SF3A1: variants seen among roughly 807,000 people sequenced by gnomAD.
SF3A1 encodes splicing factor 3a subunit 1, also known as SAP 114.
SF3A1 carries 13 observed loss-of-function variants against 89.9 expected under a neutral mutation model. That is an observed-to-expected ratio of 0.14 (90% CI 0.09 to 0.23). The LOEUF is 0.23. Among genes scored for constraint, SF3A1 ranks in the 10% least tolerant of loss-of-function variants. The probability of loss-of-function intolerance (pLI) is 1.00; values close to 1 mark genes in which losing one functional copy is unlikely to be tolerated. For missense variants in SF3A1, 604 were observed against 1,022.1 expected, an observed-to-expected ratio of 0.59 and a Z score of 5.58; for synonymous variants, 405 against 374.4, an observed-to-expected ratio of 1.08 and a Z score of -0.94.
In SF3A1 at chr22:30,337,325, C is replaced by T. The variant is rs539570518; in HGVS notation, c.1952-145G>A. On this transcript the variant is annotated intron_variant, in intron 12 of 15. Coordinates refer to ENST00000215793, the MANE Select transcript of SF3A1 (RefSeq NM_005877.6). ...GTTCCCTGCTAAGTCTGGCAGCCAGCAGGTTCCCTGGCAAGGGGACCTGGG... is the reference window on the plus strand; with the variant it reads ...GTTCCCTGCTAAGTCTGGCAGCCAGTAGGTTCCCTGGCAAGGGGACCTGGG... 7.3e-6 allele frequency: 6 copies of T among 819,422 alleles called. No homozygotes were observed. In the East Asian group the frequency reaches 1.1e-4, roughly 15 times the overall value. The allele number at this position is 819,422 out of a possible 1,614,324, so 50.8% of individuals were successfully genotyped here.
rs1193128691 is a variant in SF3A1 at position 30,342,826 on chromosome 22, G to A, written c.705C>T (p.Asn235=). The stretch of plus-strand genomic sequence containing the variant: ...TTACCTGATCCAAAACTTCTCGGGG[G>A]TTTTCAGCCTCTTTCTTGAGCTTTG... ...LFSKLKKEAE[N]PREVLDQVCY... The change falls in exon 5 of 16, where the codon AAC becomes AAT. Residue 235 remains asparagine (N), a synonymous_variant. Transcript: ENST00000215793. The A allele has an allele frequency of 6.2e-7, 1 of 1,612,250 alleles. No individual in the cohort carries two copies. Among genetic ancestry groups the A allele is most frequent in the Non-Finnish European group, 8.5e-7 (1 of 1,178,852 alleles).
chr22:30,339,554 G>C (rs955961351), intron 9 of SF3A1, among the ~76,000 whole-genome samples: 1 of 152,144 alleles, frequency 6.6e-6, no homozygotes, highest in Non-Finnish European at 1.5e-5. Flanking sequence ...TCAGGAGTTC[G>C]AGACCAGCAT....
Position 30,345,066 on chromosome 22 carries a change from A to G in SF3A1, c.518T>C (p.Phe173Ser). The G allele has an allele frequency of 5.0e-6, 8 of 1,614,238 alleles. No homozygotes were observed. The highest frequency in any genetic ancestry group is 6.8e-6 in the Non-Finnish European group (8 of 1,180,032). ...DLDVVKLTAQ[F>S]VARNGRQFLT... ...AAACTGGCGCCCATTCCTGGCCACAAACTGAGCCGTCAGCTTCACCACATC... is the reference window on the plus strand; with the variant it reads ...AAACTGGCGCCCATTCCTGGCCACAGACTGAGCCGTCAGCTTCACCACATC... Residue 173 changes from phenylalanine (F) to serine (S), a missense_variant, in exon 4 of 16, where the codon TTT becomes TCT. This residue lies in a region of SF3A1 where 162 missense variants were observed against 229.2 expected (regional missense o/e 0.71). Transcript: ENST00000215793.
At chr22:30,344,510 C>T (rs1056780007) in intron 4 of SF3A1, among the ~76,000 whole-genome samples, 1 of 152,214 alleles carries the variant, frequency 6.6e-6, no homozygotes, top group African/African-American at 2.4e-5. Flanking sequence ...CTTTCTGAGC[C>T]TGTTTCTGCT....
At position 30,356,853 on chromosome 22, in the gene SF3A1, C is replaced by G; in HGVS notation, c.-61G>C. The G allele has an allele frequency of 7.9e-7, 1 of 1,257,918 alleles. No homozygotes were observed. The allele number at this position is 1,257,918 out of a possible 1,614,324, so 77.9% of individuals were successfully genotyped here. A position where few individuals can be genotyped will look rare whatever the true frequency, so the allele number is the denominator to read the frequency against. ...GTCGGTGAGCGGTGCCGCCTCAAGACAGCCTCCCCGCTCGGTCAGTACGAC... is the reference window on the plus strand; with the variant it reads ...GTCGGTGAGCGGTGCCGCCTCAAGAGAGCCTCCCCGCTCGGTCAGTACGAC... On this transcript the variant is annotated 5_prime_UTR_variant, in exon 1 of 16. Transcript: ENST00000215793.
rs898997069 is a variant in SF3A1, at chr22:30,356,884, C to T, written c.-92G>A. Reference sequence around the variant, plus strand: ...CCCCGCTCGGTCAGTACGACGAGCTCGCAAGATGGCGGCGGCCGAGCGAGT... The same window carrying T: ...CCCCGCTCGGTCAGTACGACGAGCTTGCAAGATGGCGGCGGCCGAGCGAGT... On this transcript the variant is annotated 5_prime_UTR_variant, in exon 1 of 16. Coordinates refer to ENST00000215793, the MANE Select transcript of SF3A1 (RefSeq NM_005877.6). 9.1e-7 allele frequency: 1 copy of T among 1,101,988 alleles called. No individual in the cohort carries two copies. 68.3% of individuals were successfully genotyped at this position (1,101,988 alleles called of 1,614,324 possible). A position where few individuals can be genotyped will look rare whatever the true frequency, so the allele number is the denominator to read the frequency against.
At chr22:30,353,914 T>A (rs544270301) in intron 1 of SF3A1, among the ~76,000 whole-genome samples, 31 of 152,226 alleles carry the variant, frequency 2.0e-4, no homozygotes, top group Non-Finnish European at 3.5e-4. Flanking sequence ...GCCATGTCTG[T>A]AACCCTGCAC....
intron 11 of SF3A1, among the ~76,000 whole-genome samples, chr22:30,338,558 C>T (rs938794032): frequency 1.3e-5 from 2 of 152,092 alleles, no homozygotes; most frequent in Non-Finnish European, 2.9e-5. Flanking sequence ...CCTTCTCTGA[C>T]GCCAACTGGT....
intron 12 of SF3A1, 148 bp downstream of exon 12, chr22:30,337,542 G>A (rs563961003): frequency 3.4e-5 from 24 of 700,816 alleles, no homozygotes; most frequent in Middle Eastern, 3.7e-4. Flanking sequence ...CTAGGGTTGC[G>A]GATCTTTCAA....
chr22:30,355,083 G>A (rs1043369029), intron 1 of SF3A1, among the ~76,000 whole-genome samples: 3 of 151,856 alleles, frequency 2.0e-5, no homozygotes, highest in Admixed American at 6.6e-5. Context: ...GGAGTGCAGC[G>A]GCATGATCTT....
chr22:30,338,341 C>T (rs1376362351), intron 11 of SF3A1, among the ~76,000 whole-genome samples: 1 of 151,930 alleles, frequency 6.6e-6, no homozygotes, highest in African/African-American at 2.4e-5. Context: ...CCCTGTAATC[C>T]CAGCTACTTG....
rs774519141 is a variant in SF3A1, at chr22:30,337,787, C to A, written c.1854G>T (p.Pro618=). 6 of 1,596,968 alleles carry A rather than the reference C, an allele frequency of 3.8e-6. No homozygotes were observed. Among genetic ancestry groups the A allele is most frequent in the South Asian group, 2.3e-5 (2 of 87,562 alleles). The change falls in exon 12 of 16, where the codon CCG becomes CCT. Residue 618 remains proline (P), a synonymous_variant. Transcript: ENST00000215793. ...LPPGSVIAPM[P]PIIHAPRINV... is the part of the protein sequence containing the mutation. Reference sequence around the variant, plus strand: ...TGATTCTGGGCGCGTGGATGATGGGCGGCATGGGGGCGATCACTGAGCCTG... The same window carrying A: ...TGATTCTGGGCGCGTGGATGATGGGAGGCATGGGGGCGATCACTGAGCCTG...
rs1010614257 is a variant in SF3A1 at position 30,333,271 on chromosome 22, G to C, written c.*1323C>G. 3.9e-5 allele frequency: 6 copies of C among 152,284 alleles called. No homozygotes were observed. Among genetic ancestry groups the C allele is most frequent in the African/African-American group, 1.4e-4 (6 of 41,468 alleles). The allele number at this position is 152,284 out of a possible 1,614,324, so 9.4% of individuals were successfully genotyped here. A position where few individuals can be genotyped will look rare whatever the true frequency, so the allele number is the denominator to read the frequency against. On this transcript the variant is annotated 3_prime_UTR_variant, in exon 16 of 16. Coordinates refer to ENST00000215793, the MANE Select transcript of SF3A1 (RefSeq NM_005877.6). ...AGAGGGAGAGGCAGGGTGGTGACTA[G>C]AGAGCTGGTTCTGTGACCTTGGGAA... is the stretch of plus-strand genomic sequence containing the variant.
chr22:30,345,847 G>C (rs1451580317), intron 3 of SF3A1, among the ~76,000 whole-genome samples: 3 of 152,162 alleles, frequency 2.0e-5, no homozygotes, highest in African/African-American at 7.2e-5. Flanking sequence ...CCTCAGCACA[G>C]GGAAGGTGGT....
intron 3 of SF3A1, 156 bp downstream of exon 3, chr22:30,346,156 G>A: frequency 3.2e-6 from 2 of 631,228 alleles, no homozygotes; most frequent in Non-Finnish European, 5.7e-6. Context: ...TCAGTACTTT[G>A]CTGTCTGGGC....
At position 30,351,077 on chromosome 22, in the gene SF3A1, G is replaced by A. The variant is rs550774903; in HGVS notation, c.185+1874C>T. Reference sequence around the variant, plus strand: ...GCACTTTGGGAGGCCCAGGTCGGGGGATCATTAAGTCAAGAGACTGAGACC... The same window carrying A: ...GCACTTTGGGAGGCCCAGGTCGGGGAATCATTAAGTCAAGAGACTGAGACC... On this transcript the variant is annotated intron_variant, in intron 2 of 15. Transcript: ENST00000215793. Among the ~76,000 whole-genome samples, 6 of 152,298 alleles carry A rather than the reference G, an allele frequency of 3.9e-5. No individual in the cohort carries two copies. In the South Asian group the frequency reaches 1.2e-3, roughly 32 times the overall value.
In SF3A1 at chr22:30,346,533, A is replaced by C. The variant is rs1569173610; in HGVS notation, c.186-14T>G. The stretch of plus-strand genomic sequence containing the variant: ...TCAGGCCCGTTTCTGGAGGAAGAAA[A>C]AACAACAAGAATAAACACCACTCCC... On this transcript the variant is annotated splice_polypyrimidine_tract_variant and intron_variant, in intron 2 of 15. Coordinates refer to ENST00000215793, the MANE Select transcript of SF3A1 (RefSeq NM_005877.6). 1 of 1,613,732 alleles carries C rather than the reference A, an allele frequency of 6.2e-7. No homozygotes were observed. Among genetic ancestry groups the C allele is most frequent in the South Asian group, 1.1e-5 (1 of 91,022 alleles).
At chr22:30,352,923 C>T (rs1256056165) in intron 2 of SF3A1, 28 bp downstream of exon 2, 3 of 1,613,086 alleles carry the variant, frequency 1.9e-6, no homozygotes, top group South Asian at 1.1e-5. Context: ...TGAAACCCAC[C>T]TCTGACCCAC....
At chr22:30,338,746 T>C (rs768978164) in intron 11 of SF3A1, 43 bp downstream of exon 11, 11 of 1,612,028 alleles carry the variant, frequency 6.8e-6, no homozygotes, top group South Asian at 2.2e-5. Flanking sequence ...ACCTCAAGAA[T>C]GAAGCTCTAA....
Sources: allele counts gnomAD v4.1 joint callset (sites outside exome capture counted in the v4.1 genomes callset), GRCh38; gene constraint gnomAD v4.1.1; regional missense constraint gnomAD v4.1.1; transcripts MANE v1.5; gene names NCBI Gene and HGNC (gene_info 2026-07-23, HGNC 2026-07-21).